Variants in LONP2 observed in about 807,000 individuals in gnomAD.
The protein encoded by LONP2 is lon protease homolog 2, peroxisomal.
A neutral mutation model predicts 85.6 loss-of-function variants in LONP2; 60 were observed. The ratio of observed to expected loss-of-function variants is 0.70; its 90% CI spans 0.57 to 0.87. LONP2 has a LOEUF of 0.87. Among genes scored for constraint, LONP2 ranks in the 40% least tolerant of loss-of-function variants. The pLI, the probability that LONP2 is intolerant of heterozygous loss-of-function variation, is 0.00. For missense variants in LONP2, 860 were observed against 1,063.5 expected, an observed-to-expected ratio of 0.81 and a Z score of 2.66; for synonymous variants, 395 against 389.7, an observed-to-expected ratio of 1.01 and a Z score of -0.16.
At chr16:48,330,331 G>T (rs1331723536) in intron 11 of LONP2, among the ~76,000 whole-genome samples, 2 of 152,236 alleles carry the variant, frequency 1.3e-5, no homozygotes, top group Non-Finnish European at 2.9e-5. Context: ...TGATATGTTG[G>T]AAGGTTGAAC....
intron 4 of LONP2, among the ~76,000 whole-genome samples, chr16:48,260,667 T>C (rs1365152878): frequency 6.6e-6 from 1 of 152,206 alleles, no homozygotes; most frequent in African/African-American, 2.4e-5. Context: ...GTAGTGGTTG[T>C]TTATTCATGA....
chr16:48,308,374 C>T (rs1022447911), intron 11 of LONP2, among the ~76,000 whole-genome samples: 2 of 152,122 alleles, frequency 1.3e-5, no homozygotes, highest in African/African-American at 4.8e-5. Context: ...CACCTGTAAT[C>T]TCAGCACTTT....
At chr16:48,319,858 G>A (rs1973224550) in intron 11 of LONP2, among the ~76,000 whole-genome samples, 1 of 152,018 alleles carries the variant, frequency 6.6e-6, no homozygotes, top group Admixed American at 6.6e-5. Context: ...TATTTTTTGT[G>A]CGTGTGCCTG....
At chr16:48,276,061 CA>C (rs1343712700) in intron 7 of LONP2, among the ~76,000 whole-genome samples, 4 of 152,124 alleles carry the variant, frequency 2.6e-5, no homozygotes, top group Admixed American at 2.0e-4. Flanking sequence ...TCTTAAAAAT[CA>C]GAGTAATGGC....
intron 8 of LONP2, 90 bp from the exon 9 acceptor site, chr16:48,295,925 C>A: frequency 8.2e-7 from 1 of 1,217,184 alleles, no homozygotes; most frequent in South Asian, 1.3e-5. Flanking sequence ...GAAATACCAA[C>A]CTTGCCAGTA....
rs1960174857 is a variant in LONP2, at chr16:48,352,272, T to C, written c.*470T>C. 1 of 158,602 alleles carries C rather than the reference T, an allele frequency of 6.3e-6. No individual in the cohort carries two copies. The highest frequency in any genetic ancestry group is 1.8e-4 in the East Asian group (1 of 5,486). 9.8% of individuals were successfully genotyped at this position (158,602 alleles called of 1,614,324 possible). A position where few individuals can be genotyped will look rare whatever the true frequency, so the allele number is the denominator to read the frequency against. On this transcript the variant is annotated 3_prime_UTR_variant, in exon 15 of 15. Coordinates refer to ENST00000285737, the MANE Select transcript of LONP2 (RefSeq NM_031490.5). ...TACCTTAGTGGATTTACCTGTAGAG[T>C]TTATTGGATCCTGAAACCAATCAAT...
At chr16:48,339,147 A>G (rs1245396626) in intron 12 of LONP2, among the ~76,000 whole-genome samples, 2 of 152,184 alleles carry the variant, frequency 1.3e-5, no homozygotes, top group East Asian at 1.9e-4. Flanking sequence ...TAGGGATCAT[A>G]TAGAGAGAAG....
downstream of LONP2, among the ~76,000 whole-genome samples, chr16:48,358,632 G>A (rs1301367964): frequency 6.6e-6 from 1 of 152,046 alleles, no homozygotes; most frequent in Non-Finnish European, 1.5e-5. Flanking sequence ...AGACCAGCCT[G>A]GGCAACATAG....
At position 48,303,443 on chromosome 16, in the gene LONP2, A is replaced by G. The variant is rs140458969; in HGVS notation, c.1795+138A>G. 22 of 876,224 alleles carry G rather than the reference A, an allele frequency of 2.5e-5. No homozygotes were observed. In the African/African-American group the frequency reaches 3.5e-4, roughly 14 times the overall value. The allele number at this position is 876,224 out of a possible 1,614,324, so 54.3% of individuals were successfully genotyped here. On this transcript the variant is annotated intron_variant, in intron 11 of 14. Transcript: ENST00000285737. ...GACTCCACTGTTAAATGCATCCAGTAAGTAATACCTTAATGTTTCAACATA... is the reference window on the plus strand; with the variant it reads ...GACTCCACTGTTAAATGCATCCAGTGAGTAATACCTTAATGTTTCAACATA...
At chr16:48,359,551 A>C (rs1384346399), downstream of LONP2, among the ~76,000 whole-genome samples, 1 of 152,138 alleles carries the variant, frequency 6.6e-6, no homozygotes, top group African/African-American at 2.4e-5. Context: ...CCCCGTCTCT[A>C]CTAAAAATAT....
intron 12 of LONP2, among the ~76,000 whole-genome samples, chr16:48,337,788 C>G (rs1959698151): frequency 6.6e-6 from 1 of 152,118 alleles, no homozygotes; most frequent in Admixed American, 6.5e-5. Context: ...GAGGTGTTCC[C>G]AAGATGTTAT....
At chr16:48,302,823 A>G (rs1201830857) in intron 10 of LONP2, among the ~76,000 whole-genome samples, 1 of 152,222 alleles carries the variant, frequency 6.6e-6, no homozygotes, top group Non-Finnish European at 1.5e-5. Flanking sequence ...TAAATTGACA[A>G]ATTTTGTTTA....
intron 12 of LONP2, among the ~76,000 whole-genome samples, chr16:48,346,931 A>T (rs1959983204): frequency 6.6e-6 from 1 of 151,994 alleles, no homozygotes; most frequent in African/African-American, 2.4e-5. Flanking sequence ...CAGGCAGATC[A>T]CTTGAGGTCA....
chr16:48,334,199 A>T lies in LONP2; in HGVS notation c.1796-17A>T. ...CAAATCTCTTAGAACTTCTAAATAC[A>T]TTTTTTTTTCTTTTAGGTTGCAGAG... On this transcript the variant is annotated splice_polypyrimidine_tract_variant and intron_variant, in intron 11 of 14. Transcript: ENST00000285737. 1 of 1,596,360 alleles carries T rather than the reference A, an allele frequency of 6.3e-7. No homozygotes were observed. The highest frequency in any genetic ancestry group is 8.6e-7 in the Non-Finnish European group (1 of 1,168,252).
Position 48,263,730 on chromosome 16 carries a change from A to G in LONP2, c.982+858A>G, listed in dbSNP as rs575410667. On this transcript the variant is annotated intron_variant, in intron 6 of 14. Coordinates refer to ENST00000285737, the MANE Select transcript of LONP2 (RefSeq NM_031490.5). ...CTTTGGCTGTTTACCCAGAGGTGGC[A>G]TTGCTGGATCATATGTAAGTTGTAT... Among the ~76,000 whole-genome samples, 12 of 152,298 alleles carry G rather than the reference A, an allele frequency of 7.9e-5. No homozygotes were observed. The East Asian group carries it at 1.5e-3, about 20-fold the overall frequency.
At chr16:48,266,488 A>G (rs1051007306) in intron 6 of LONP2, among the ~76,000 whole-genome samples, 1 of 152,032 alleles carries the variant, frequency 6.6e-6, no homozygotes, top group Non-Finnish European at 1.5e-5. Context: ...AAGTTTCTTC[A>G]TGCTCTTTGA....
rs751350050 is a variant in LONP2, at chr16:48,352,343, CTATATA to C, written c.*549_*554del. The C allele has an allele frequency of 6.5e-6, 1 of 154,196 alleles. No homozygotes were observed. Among genetic ancestry groups the C allele is most frequent in the African/African-American group, 2.4e-5 (1 of 41,464 alleles). 9.6% of individuals were successfully genotyped at this position (154,196 alleles called of 1,614,324 possible). On this transcript the variant is annotated 3_prime_UTR_variant, in exon 15 of 15. Transcript: ENST00000285737. ...TGAAAGTATAGCCAACTATTCTTGG[CTATATA>C]TATATATTCAAGTGGGCCGGGCGTG...
chr16:48,320,450 C>T (rs1973239233), intron 11 of LONP2, among the ~76,000 whole-genome samples: 1 of 151,934 alleles, frequency 6.6e-6, no homozygotes, highest in African/African-American at 2.4e-5. Flanking sequence ...AGTTTAGGCA[C>T]TGGCTCATTG....
At chr16:48,268,699 C>G (rs931496312) in intron 6 of LONP2, among the ~76,000 whole-genome samples, 12 of 152,214 alleles carry the variant, frequency 7.9e-5, no homozygotes, top group Non-Finnish European at 1.8e-4. Flanking sequence ...TGGTTGGGTT[C>G]TGGAGCCAGG....
Sources: gnomAD v4.1 joint callset for allele counts (sites outside exome capture counted in the v4.1 genomes callset) on GRCh38, gnomAD v4.1.1 for gene constraint, MANE v1.5 for transcripts, NCBI Gene and HGNC (gene_info 2026-07-23, HGNC 2026-07-21) for gene names.